The following CNTN5 variants were observed in gnomAD, a reference collection of about 807,000 sequenced individuals.
CNTN5 encodes contactin 5.
CNTN5 carries 77 observed loss-of-function variants against 129.1 expected under a neutral mutation model. That is an observed-to-expected ratio of 0.60 (90% CI 0.50 to 0.72). The LOEUF is 0.72. Ranked by LOEUF, CNTN5 falls within the 30% of genes least tolerant of loss-of-function variation. The pLI is 0.00. For synonymous variants in CNTN5, 509 were observed against 465.6 expected (o/e 1.09, Z -1.20); for missense variants, 1,478 against 1,328.8 (o/e 1.11, Z -1.75).
At chr11:100,263,739 T>C (rs1480596598) in intron 17 of CNTN5, among the ~76,000 whole-genome samples, 2 of 152,158 alleles carry the variant, frequency 1.3e-5, no homozygotes, top group Non-Finnish European at 2.9e-5. Context: ...TTATTCTTAG[T>C]ATGACAGCTT....
chr11:100,232,868 T>G (rs1949520764), intron 16 of CNTN5, among the ~76,000 whole-genome samples: 1 of 152,330 alleles, frequency 6.6e-6, no homozygotes, highest in East Asian at 1.9e-4. Context: ...CTAACATTTA[T>G]CAGGTTCTTC....
chr11:99,742,387 A>G (rs1410559976), intron 3 of CNTN5, among the ~76,000 whole-genome samples: 2 of 152,124 alleles, frequency 1.3e-5, no homozygotes, highest in Admixed American at 1.3e-4. Context: ...AGATTTTCTA[A>G]TAAGACTGGA....
chr11:99,931,972 C>G (rs985397042), intron 7 of CNTN5, among the ~76,000 whole-genome samples: 1 of 152,112 alleles, frequency 6.6e-6, no homozygotes, highest in Non-Finnish European at 1.5e-5. Flanking sequence ...CAATATCTCC[C>G]CATCACCTGT....
chr11:99,178,831 G>C (rs1205035009), intron 1 of CNTN5, among the ~76,000 whole-genome samples: 3 of 151,958 alleles, frequency 2.0e-5, no homozygotes, highest in Non-Finnish European at 4.4e-5. Flanking sequence ...ATTATTAGCT[G>C]TCTGAAATAT....
chr11:100,353,521 A>G (rs1952460299), intron 24 of CNTN5, among the ~76,000 whole-genome samples: 1 of 151,592 alleles, frequency 6.6e-6, no homozygotes, highest in Non-Finnish European at 1.5e-5. Flanking sequence ...ATATTTTTAT[A>G]AAAGTGTCAG....
chr11:99,561,150 G>A (rs2135550650), intron 3 of CNTN5, among the ~76,000 whole-genome samples: 1 of 152,164 alleles, frequency 6.6e-6, no homozygotes, highest in Non-Finnish European at 1.5e-5. Context: ...ATCCTGTAGT[G>A]CCAGAAAGTA....
rs544425092 is a variant in CNTN5, at chr11:99,750,637, G to A, written c.56-68907G>A. 4.1e-3 allele frequency among the ~76,000 whole-genome samples: 627 copies of A among 151,940 alleles called. 3 individuals are homozygous for A. The highest frequency in any genetic ancestry group is 0.018 in the South Asian group (87 of 4,820). On this transcript the variant is annotated intron_variant, in intron 3 of 24. Coordinates refer to ENST00000524871, the MANE Select transcript of CNTN5 (RefSeq NM_014361.4). ...TTCCCAGGAAGACAGAGTAAATGTT[G>A]CCAGAATCTAACTAAATATACTGTG...
intron 6 of CNTN5, among the ~76,000 whole-genome samples, chr11:99,907,489 G>A (rs995677282): frequency 2.0e-5 from 3 of 151,824 alleles, no homozygotes; most frequent in African/African-American, 7.2e-5. Context: ...TTTCCAAAAA[G>A]TGTATCCTGG....
At chr11:100,160,328 C>A (rs1947404911) in intron 13 of CNTN5, among the ~76,000 whole-genome samples, 1 of 151,922 alleles carries the variant, frequency 6.6e-6, no homozygotes, top group East Asian at 1.9e-4. Flanking sequence ...CATTGATGGG[C>A]ATTTGGGTTG....
chr11:99,583,226 C>T (rs995854659), intron 3 of CNTN5, among the ~76,000 whole-genome samples: 1 of 152,164 alleles, frequency 6.6e-6, no homozygotes, highest in Non-Finnish European at 1.5e-5. Flanking sequence ...AGGTGTTAGT[C>T]TGCCCCTAAT....
At chr11:99,276,856 C>T (rs914516199) in intron 1 of CNTN5, among the ~76,000 whole-genome samples, 1 of 151,432 alleles carries the variant, frequency 6.6e-6, no homozygotes, top group Non-Finnish European at 1.5e-5. Flanking sequence ...TTAAGTATTT[C>T]TAATTTTCTC....
intron 18 of CNTN5, among the ~76,000 whole-genome samples, chr11:100,283,800 G>A (rs1950698579): frequency 6.6e-6 from 1 of 152,022 alleles, no homozygotes; most frequent in Non-Finnish European, 1.5e-5. Flanking sequence ...ACAAAAATTA[G>A]CCGGGCGCGG....
intron 3 of CNTN5, among the ~76,000 whole-genome samples, chr11:99,563,669 G>A (rs1038613491): frequency 6.6e-6 from 1 of 152,140 alleles, no homozygotes. Flanking sequence ...CGCACTTGAT[G>A]GTGTTATTTG....
chr11:99,661,678 C>T (rs1284617258), intron 3 of CNTN5, among the ~76,000 whole-genome samples: 1 of 151,828 alleles, frequency 6.6e-6, no homozygotes, highest in African/African-American at 2.4e-5. Context: ...GCGTTCACAT[C>T]ATACACACAT....
intron 1 of CNTN5, among the ~76,000 whole-genome samples, chr11:99,224,237 T>C (rs1156516746): frequency 6.6e-6 from 1 of 152,204 alleles, no homozygotes; most frequent in Non-Finnish European, 1.5e-5. Flanking sequence ...GAACTATATT[T>C]CTATTTTTCT....
At chr11:99,543,386 T>C (rs756069671) in intron 2 of CNTN5, among the ~76,000 whole-genome samples, 4 of 152,168 alleles carry the variant, frequency 2.6e-5, no homozygotes, top group Admixed American at 1.3e-4. Context: ...CTGGAAAATA[T>C]TAAGGTATCT....
At chr11:99,580,524 T>C (rs536514655) in intron 3 of CNTN5, among the ~76,000 whole-genome samples, 2 of 152,310 alleles carry the variant, frequency 1.3e-5, no homozygotes, top group East Asian at 3.9e-4. Context: ...TATTGGTCTA[T>C]TCAGATATTC....
intron 3 of CNTN5, among the ~76,000 whole-genome samples, chr11:99,640,999 C>G (rs1296357799): frequency 6.6e-6 from 1 of 152,138 alleles, no homozygotes; most frequent in Non-Finnish European, 1.5e-5. Flanking sequence ...TCAGTTGATG[C>G]TTAAACATAC....
At chr11:99,682,019 T>A (rs529831708) in intron 3 of CNTN5, among the ~76,000 whole-genome samples, 1 of 152,128 alleles carries the variant, frequency 6.6e-6, no homozygotes, top group African/African-American at 2.4e-5. Context: ...CCAAGCATTT[T>A]AGGTCTAGGC....
Sources: gnomAD v4.1 joint callset for allele counts (sites outside exome capture counted in the v4.1 genomes callset) on GRCh38, gnomAD v4.1.1 for gene constraint, MANE v1.5 for transcripts, NCBI Gene and HGNC (gene_info 2026-07-23, HGNC 2026-07-21) for gene names.